ACSS2: variants seen among roughly 807,000 people sequenced by gnomAD.
ACSS2 encodes acetyl-coenzyme A synthetase, cytoplasmic.
Under a neutral mutation model 90.6 loss-of-function variants are expected in ACSS2, and 58 were observed. The observed-to-expected ratio is 0.64, with a 90% CI of 0.52 to 0.80. ACSS2 has a LOEUF of 0.80. ACSS2 is among the 30% of genes least tolerant of loss of function. The pLI is 0.00. For synonymous variants in ACSS2, 300 were observed against 330.9 expected, an observed-to-expected ratio of 0.91 and a Z score of 1.01; for missense variants, 759 against 912.0, an observed-to-expected ratio of 0.83 and a Z score of 2.16.
Position 34,927,512 on chromosome 20 carries a change from G to A in ACSS2, c.*298G>A. On this transcript the variant is annotated 3_prime_UTR_variant, in exon 18 of 18. Coordinates refer to ENST00000360596, the MANE Select transcript of ACSS2 (RefSeq NM_018677.4). The surrounding 1 kb of genome is among the most constrained non-coding windows in gnomAD (Gnocchi z 4.2). Reference sequence around the variant, plus strand: ...CCCAAGTTAAGTGTTCAAAGGGGATGTGAGGGCCTCCACTGAAGCAGGGAG... The same window carrying A: ...CCCAAGTTAAGTGTTCAAAGGGGATATGAGGGCCTCCACTGAAGCAGGGAG... The A allele has an allele frequency of 2.4e-6, 1 of 408,800 alleles. No individual in the cohort carries two copies. Among genetic ancestry groups the A allele is most frequent in the African/African-American group, 2.0e-5 (1 of 50,600 alleles). The allele number at this position is 408,800 out of a possible 1,614,324, so 25.3% of individuals were successfully genotyped here.
intron 2 of ACSS2, among the ~76,000 whole-genome samples, chr20:34,903,827 G>A (rs1001809243): frequency 2.0e-5 from 3 of 146,480 alleles, no homozygotes; most frequent in Admixed American, 1.4e-4. Flanking sequence ...ATTTGAGCCC[G>A]AGAGTTTAAG....
chr20:34,927,195 G>A lies in ACSS2; in HGVS notation c.2087G>A (p.Arg696His), dbSNP rs376543322. 6.3e-5 allele frequency: 101 copies of A among 1,613,770 alleles called. No individual in the cohort carries two copies. The highest frequency in any genetic ancestry group is 7.8e-5 in the Non-Finnish European group (92 of 1,180,030). ...PSVISHLFSH[R>H]CLTIQ ...GTCATCAGTCACCTCTTCAGCCACC[G>A]CTGCCTGACCATCCAGTGAACATGA... Residue 696 changes from arginine (R) to histidine (H), a missense_variant, in exon 18 of 18, where the codon CGC becomes CAC. Transcript: ENST00000360596. The surrounding 1 kb of genome is among the most constrained non-coding windows in gnomAD (Gnocchi z 4.2).
chr20:34,924,501 T>C (rs2081273224), intron 14 of ACSS2, among the ~76,000 whole-genome samples: 1 of 151,970 alleles, frequency 6.6e-6, no homozygotes, highest in South Asian at 2.1e-4. Flanking sequence ...GTAAGAGTGT[T>C]TTGTGCAGAG....
At position 34,921,225 on chromosome 20, in the gene ACSS2, C is replaced by T. The variant is rs960785966; in HGVS notation, c.1277+86C>T. 13 of 1,607,236 alleles carry T rather than the reference C, an allele frequency of 8.1e-6. No homozygotes were observed. The African/African-American group carries it at 9.4e-5, about 12-fold the overall frequency. On this transcript the variant is annotated intron_variant, in intron 10 of 17. Transcript: ENST00000360596. ...GTACAGTCTCTTCTTTTCCATTGTC[C>T]CAACTCTCTGACCTGGAATAGAGGA...
chr20:34,912,097 A>G (rs1258956003), intron 2 of ACSS2, among the ~76,000 whole-genome samples: 2 of 151,966 alleles, frequency 1.3e-5, no homozygotes, highest in Non-Finnish European at 2.9e-5. Context: ...GGATTACAGG[A>G]AAGAGCCACC....
At position 34,927,242 on chromosome 20, in the gene ACSS2, C is replaced by A; in HGVS notation, c.*28C>A. 1 of 1,610,676 alleles carries A rather than the reference C, an allele frequency of 6.2e-7. No individual in the cohort carries two copies. The highest frequency in any genetic ancestry group is 8.5e-7 in the Non-Finnish European group (1 of 1,179,766). Reference sequence around the variant, plus strand: ...ATGATCCTGACCTTTACCTAGGATTCCTCCTGCTCCAAACTTTGCCCATCC... The same window carrying A: ...ATGATCCTGACCTTTACCTAGGATTACTCCTGCTCCAAACTTTGCCCATCC... On this transcript the variant is annotated 3_prime_UTR_variant, in exon 18 of 18. Transcript: ENST00000360596. This position sits in a 1 kb window ranked among gnomAD's most constrained non-coding sequence, Gnocchi z 4.2.
chr20:34,900,454 C>T (rs892661968), intron 2 of ACSS2, among the ~76,000 whole-genome samples: 1 of 151,988 alleles, frequency 6.6e-6, no homozygotes, highest in African/African-American at 2.4e-5. Flanking sequence ...GGATTACAGG[C>T]ATGTGCTACT....
At chr20:34,894,990 G>A (rs547546575) in intron 2 of ACSS2, among the ~76,000 whole-genome samples, 23 of 152,082 alleles carry the variant, frequency 1.5e-4, no homozygotes, top group Non-Finnish European at 1.5e-4. Context: ...AATCTCCAGA[G>A]GATAAGACCT....
At chr20:34,917,130 A>G (rs909906341) in intron 7 of ACSS2, among the ~76,000 whole-genome samples, 3 of 152,350 alleles carry the variant, frequency 2.0e-5, no homozygotes, top group South Asian at 4.1e-4. Context: ...CCCTCATTGC[A>G]GAGCCACAGT....
At chr20:34,896,174 C>G (rs2080454437) in intron 2 of ACSS2, among the ~76,000 whole-genome samples, 2 of 152,204 alleles carry the variant, frequency 1.3e-5, no homozygotes, top group Non-Finnish European at 2.9e-5. Context: ...ATCCATCGGG[C>G]ACCAAAGCCA....
chr20:34,894,986 C>T (rs2080428419), intron 2 of ACSS2, among the ~76,000 whole-genome samples: 4 of 152,116 alleles, frequency 2.6e-5, no homozygotes, highest in Admixed American at 2.6e-4. Context: ...TTAGAATCTC[C>T]AGAGGATAAG....
intron 1 of ACSS2, 99 bp from the exon 2 acceptor site, chr20:34,882,695 G>A (rs1390847458): frequency 1.8e-6 from 2 of 1,128,372 alleles, no homozygotes; most frequent in Admixed American, 2.4e-5. Context: ...CCTAGGGCAA[G>A]GAAGTTATAA....
intron 2 of ACSS2, among the ~76,000 whole-genome samples, chr20:34,885,402 T>C (rs746109554): frequency 3.3e-5 from 5 of 152,128 alleles, no homozygotes; most frequent in Non-Finnish European, 5.9e-5. Flanking sequence ...GAGACACCAG[T>C]TCCCCTACCA....
chr20:34,883,045 C>A, intron 2 of ACSS2, 56 bp downstream of exon 2: 5 of 1,388,710 alleles, frequency 3.6e-6, no homozygotes, highest in East Asian at 2.3e-5. Flanking sequence ...TTGATACTTA[C>A]AACAACCCAG....
intron 14 of ACSS2, among the ~76,000 whole-genome samples, chr20:34,924,353 A>G (rs530563393): frequency 2.0e-5 from 3 of 152,384 alleles, no homozygotes; most frequent in Non-Finnish European, 4.4e-5. Context: ...AATGCTGTTA[A>G]GAAAAATAAA....
chr20:34,917,910 G>A (rs912954064), intron 7 of ACSS2, among the ~76,000 whole-genome samples: 2 of 151,962 alleles, frequency 1.3e-5, no homozygotes, highest in African/African-American at 2.4e-5. Context: ...CTACCACCAC[G>A]CCTGGCTACT....
intron 2 of ACSS2, among the ~76,000 whole-genome samples, chr20:34,898,883 A>G (rs1481874584): frequency 3.4e-5 from 5 of 148,090 alleles, no homozygotes; most frequent in Admixed American, 2.7e-4. Flanking sequence ...CGGGCCGCAC[A>G]GGAGCCCACG....
chr20:34,925,622 G>A (rs573534630), intron 14 of ACSS2, 76 bp from the exon 15 acceptor site: 1 of 1,472,172 alleles, frequency 6.8e-7, no homozygotes, highest in South Asian at 1.2e-5. Flanking sequence ...ATTGCAGAAG[G>A]TGTAGCAGTT....
intron 2 of ACSS2, among the ~76,000 whole-genome samples, chr20:34,898,869 G>T (rs1469415672): frequency 2.0e-5 from 3 of 152,076 alleles, no homozygotes; most frequent in Admixed American, 1.3e-4. Flanking sequence ...TCGTCGGGGG[G>T]GCTCGGGCCG....
Sources: allele counts gnomAD v4.1 joint callset (sites outside exome capture counted in the v4.1 genomes callset), GRCh38; gene constraint gnomAD v4.1.1; non-coding constraint Gnocchi (gnomAD v3.1); transcripts MANE v1.5; gene names NCBI Gene and HGNC (gene_info 2026-07-23, HGNC 2026-07-21).